Variants in DGKG observed in about 807,000 individuals in gnomAD.
The protein encoded by DGKG is diacylglycerol kinase gamma.
Under a neutral mutation model 105.3 loss-of-function variants are expected in DGKG, and 78 were observed. That is an observed-to-expected ratio of 0.74 (90% CI 0.62 to 0.89). The LOEUF is 0.89. Ranked by LOEUF, DGKG falls within the 40% of genes least tolerant of loss-of-function variation. The pLI is 0.00. For synonymous variants in DGKG, 346 were observed against 367.1 expected (o/e 0.94, Z 0.66); for missense variants, 958 against 1,020.1 (o/e 0.94, Z 0.83).
At chr3:186,280,806 C>A in intron 7 of DGKG, 62 bp from the exon 8 acceptor site, 1 of 1,459,274 alleles carries the variant, frequency 6.9e-7, no homozygotes, top group Non-Finnish European at 9.6e-7. Flanking sequence ...TCATTAAGAG[C>A]CGAACTCAAA....
At chr3:186,345,305 A>C (rs1436320250) in intron 1 of DGKG, among the ~76,000 whole-genome samples, 1 of 152,236 alleles carries the variant, frequency 6.6e-6, no homozygotes, top group East Asian at 1.9e-4. Context: ...GGTAAACAAC[A>C]TAGAGCTGAA....
intron 20 of DGKG, among the ~76,000 whole-genome samples, chr3:186,234,104 T>TG (rs1720295836): frequency 6.6e-6 from 1 of 152,246 alleles, no homozygotes; most frequent in African/African-American, 2.4e-5. Context: ...ATGTCCTATT[T>TG]GGGGCTTAAC....
intron 17 of DGKG, among the ~76,000 whole-genome samples, chr3:186,254,296 C>T (rs540980075): frequency 1.3e-5 from 2 of 152,272 alleles, no homozygotes; most frequent in East Asian, 3.9e-4. Flanking sequence ...GCTCATAGGT[C>T]CTCCAGGTTG....
At chr3:186,326,033 A>G (rs1445015965) in intron 1 of DGKG, among the ~76,000 whole-genome samples, 2 of 152,158 alleles carry the variant, frequency 1.3e-5, no homozygotes, top group Non-Finnish European at 2.9e-5. Context: ...AAGCTTGGGT[A>G]CCACGTATGC....
intron 18 of DGKG, among the ~76,000 whole-genome samples, chr3:186,252,384 T>C (rs16860640): frequency 0.13 from 19,738 of 152,272 alleles, 1,581 homozygotes; most frequent in African/African-American, 0.21. Flanking sequence ...TCTTGACTCA[T>C]TCTCTGAATT....
At chr3:186,295,324 A>G (rs752649408) in intron 5 of DGKG, among the ~76,000 whole-genome samples, 1 of 151,956 alleles carries the variant, frequency 6.6e-6, no homozygotes, top group Non-Finnish European at 1.5e-5. Context: ...AACATGGTGA[A>G]AGCCTGTTTC....
chr3:186,329,918 C>G (rs928566403), intron 1 of DGKG, among the ~76,000 whole-genome samples: 9 of 152,222 alleles, frequency 5.9e-5, no homozygotes, highest in Admixed American at 5.9e-4. Context: ...TGAACTCCTT[C>G]AGGGCAGAAA....
intron 1 of DGKG, among the ~76,000 whole-genome samples, chr3:186,340,623 C>T (rs965493924): frequency 3.9e-5 from 6 of 152,216 alleles, no homozygotes; most frequent in African/African-American, 1.2e-4. Flanking sequence ...ATTCATTCCT[C>T]TAACCACTTG....
chr3:186,245,928 AC>A (rs1720918051), intron 19 of DGKG, among the ~76,000 whole-genome samples: 1 of 150,686 alleles, frequency 6.6e-6, no homozygotes, highest in African/African-American at 2.5e-5. Context: ...AAAAACAACA[AC>A]AACAAAAAAA....
rs191455260 is a variant in DGKG at position 186,276,319 on chromosome 3, C to T, written c.793-655G>A. Among the ~76,000 whole-genome samples the T allele has an allele frequency of 3.5e-3, 529 of 152,164 alleles. 6 individuals are homozygous for T. Among genetic ancestry groups the T allele is most frequent in the African/African-American group, 0.011 (468 of 41,504 alleles). ...TAAGCGAAAAAACAGAATGCCATTT[C>T]GATGATATGTTATGATTTCAGTTTT... On this transcript the variant is annotated intron_variant, in intron 9 of 24. Transcript: ENST00000265022.
At chr3:186,248,087 T>A (rs1169085184) in intron 19 of DGKG, among the ~76,000 whole-genome samples, 1 of 152,236 alleles carries the variant, frequency 6.6e-6, no homozygotes, top group Non-Finnish European at 1.5e-5. Flanking sequence ...GTCTTGGCTC[T>A]TGGGTTTAGG....
At chr3:186,303,216 G>A (rs1361319569) in intron 3 of DGKG, among the ~76,000 whole-genome samples, 4 of 152,274 alleles carry the variant, frequency 2.6e-5, no homozygotes, top group Middle Eastern at 3.4e-3. Flanking sequence ...CACAGCCCAG[G>A]AACAGAGTAG....
intron 21 of DGKG, among the ~76,000 whole-genome samples, chr3:186,198,993 G>A (rs1718315865): frequency 6.6e-6 from 1 of 152,086 alleles, no homozygotes. Context: ...TGTTACCCAG[G>A]CTGGAGTGCA....
chr3:186,271,795 A>T (rs1263592932), intron 11 of DGKG, among the ~76,000 whole-genome samples: 2 of 152,144 alleles, frequency 1.3e-5, no homozygotes, highest in Non-Finnish European at 2.9e-5. Flanking sequence ...ATGCCTTTAC[A>T]CATGAGGCTT....
In DGKG at chr3:186,362,204, C is replaced by A. The variant is rs1376742801; in HGVS notation, c.-507G>T. On this transcript the variant is annotated 5_prime_UTR_variant, in exon 1 of 25. Transcript: ENST00000265022. ...CGGAGTTCAGCAGCTCCAAAGCTGT[C>A]TATCTCCGTGGCCCGCTACTACGGC... 1 of 152,314 alleles carries A rather than the reference C, an allele frequency of 6.6e-6. No individual in the cohort carries two copies. The highest frequency in any genetic ancestry group is 1.9e-4 in the East Asian group (1 of 5,188). 9.4% of individuals were successfully genotyped at this position (152,314 alleles called of 1,614,324 possible).
At chr3:186,241,957 G>A (rs565777041) in intron 20 of DGKG, among the ~76,000 whole-genome samples, 2 of 152,264 alleles carry the variant, frequency 1.3e-5, no homozygotes, top group East Asian at 3.9e-4. Context: ...GGGACTTAGT[G>A]GGTTCCGGGT....
chr3:186,242,556 C>T lies in DGKG; in HGVS notation c.1774G>A (p.Ala592Thr). 6.2e-7 allele frequency: 1 copy of T among 1,613,590 alleles called. No individual in the cohort carries two copies. Residue 592 changes from alanine to threonine, a missense_variant, in exon 20 of 25, where the codon GCA becomes ACA. By Grantham distance (58) the Ala-to-Thr change is moderately conservative. This residue lies in a region of DGKG where 315 missense variants were observed against 400.6 expected (regional missense o/e 0.79). Transcript: ENST00000265022. ...TCTCTCATCACATGGAATCTGTGTG[C>T]AATGGAAGCGTCCTGAAAGTGAAAG... ...YFSIGVDASI[A>T]HRFHVMREKH...
intron 21 of DGKG, 118 bp downstream of exon 21, chr3:186,211,677 A>G: frequency 1.4e-6 from 1 of 737,134 alleles, no homozygotes; most frequent in East Asian, 2.7e-5. Flanking sequence ...TGGAGAAACA[A>G]CAGAGACTAC....
At chr3:186,277,348 C>T (rs544493743) in intron 9 of DGKG, among the ~76,000 whole-genome samples, 5 of 152,256 alleles carry the variant, frequency 3.3e-5, no homozygotes, top group Non-Finnish European at 5.9e-5. Flanking sequence ...AGATTTGTTC[C>T]CATTCTAGAA....
Sources: gnomAD v4.1 joint callset for allele counts (sites outside exome capture counted in the v4.1 genomes callset) on GRCh38, gnomAD v4.1.1 for gene constraint, gnomAD v4.1.1 regional missense constraint, MANE v1.5 for transcripts, NCBI Gene and HGNC (gene_info 2026-07-23, HGNC 2026-07-21) for gene names.